The following TECPR2 variants were observed in gnomAD, a reference collection of about 807,000 sequenced individuals.
TECPR2 encodes tectonin beta-propeller repeat containing 2.
In TECPR2, 65 loss-of-function variants were observed where a neutral mutation model predicts 138.1. The observed-to-expected ratio is 0.47, with a 90% CI of 0.39 to 0.58. The LOEUF (loss-of-function observed/expected upper bound fraction) is 0.58, where lower values mean the gene tolerates loss of function less well. Among genes scored for constraint, TECPR2 ranks in the 20% least tolerant of loss-of-function variants. The pLI, the probability that TECPR2 is intolerant of heterozygous loss-of-function variation, is 0.00. For missense variants in TECPR2, 1,553 were observed against 1,824.5 expected (o/e 0.85, Z 2.71); for synonymous variants, 746 against 749.8 (o/e 0.99, Z 0.08).
chr14:102,493,741 C>T (rs1891208899), intron 17 of TECPR2, among the ~76,000 whole-genome samples: 1 of 152,206 alleles, frequency 6.6e-6, no homozygotes, highest in African/African-American at 2.4e-5. Context: ...CCCCAGCCTC[C>T]CTGCTGTGAC....
chr14:102,468,199 T>C (rs895672672), intron 17 of TECPR2, among the ~76,000 whole-genome samples: 1 of 151,316 alleles, frequency 6.6e-6, no homozygotes, highest in Non-Finnish European at 1.5e-5. Context: ...GTTTGTTTGT[T>C]TGTTTTGAGA....
chr14:102,431,947 G>T lies in TECPR2; in HGVS notation c.1236G>T (p.Ser412=), dbSNP rs756426693. Residue 412 remains serine, a synonymous_variant, in exon 8 of 20, where the codon TCG becomes TCT. Coordinates refer to ENST00000359520, the MANE Select transcript of TECPR2 (RefSeq NM_014844.5). ...GCGAGCCAAGGAGCAGGAGCAGCTC[G>T]CTCAACTCCACCGACAGCGGCTCCG... ...VASEPRSRSS[S]LNSTDSGSGL... 6.2e-7 allele frequency: 1 copy of T among 1,612,826 alleles called. No homozygotes were observed.
At chr14:102,489,703 CAAAAA>C (rs35017559) in intron 17 of TECPR2, among the ~76,000 whole-genome samples, 8 of 134,048 alleles carry the variant, frequency 6.0e-5, no homozygotes, top group African/African-American at 1.9e-4. Context: ...AAAACTGTGT[CAAAAA>C]AAAAAAAAAA....
intron 2 of TECPR2, among the ~76,000 whole-genome samples, chr14:102,406,690 C>CA (rs1236724112): frequency 2.6e-5 from 4 of 150,954 alleles, no homozygotes; most frequent in South Asian, 2.1e-4. Flanking sequence ...CTTGTCTCTA[C>CA]AAAAAAAAAT....
intron 16 of TECPR2, among the ~76,000 whole-genome samples, chr14:102,462,392 A>T (rs962821803): frequency 2.0e-5 from 3 of 152,228 alleles, no homozygotes; most frequent in African/African-American, 7.2e-5. Context: ...AAGATCAAGG[A>T]AGGAGAAAAT....
intron 2 of TECPR2, among the ~76,000 whole-genome samples, chr14:102,396,703 G>T (rs1888324390): frequency 6.6e-6 from 1 of 152,172 alleles, no homozygotes. Flanking sequence ...ATTTTGGTCA[G>T]TTTCAACTCT....
intron 17 of TECPR2, among the ~76,000 whole-genome samples, chr14:102,493,409 AG>A (rs934928550): frequency 3.3e-4 from 51 of 152,276 alleles, no homozygotes; most frequent in African/African-American, 1.2e-3. Flanking sequence ...CTCAGCTGGC[AG>A]GCCTCTCCCC....
intron 7 of TECPR2, among the ~76,000 whole-genome samples, chr14:102,431,436 A>T (rs557614818): frequency 7.0e-6 from 1 of 143,274 alleles, no homozygotes; most frequent in African/African-American, 2.6e-5. Flanking sequence ...TTTGCCTCCC[A>T]GGTTCACACC....
chr14:102,411,610 T>C (rs1047864800), intron 4 of TECPR2, among the ~76,000 whole-genome samples: 3 of 137,836 alleles, frequency 2.2e-5, no homozygotes, highest in Non-Finnish European at 3.0e-5. Context: ...CCAAATCCTA[T>C]AAAACGGCCC....
chr14:102,448,854 A>T (rs1174715260), intron 13 of TECPR2, among the ~76,000 whole-genome samples: 2 of 152,136 alleles, frequency 1.3e-5, no homozygotes, highest in Non-Finnish European at 2.9e-5. Context: ...GTGGCAGGGC[A>T]AGACTATGTC....
Position 102,376,782 on chromosome 14 carries a change from A to G in TECPR2, c.61A>G (p.Asn21Asp). Residue 21 changes from asparagine (N) to aspartate (D), a missense_variant, in exon 2 of 20, where the codon AAT becomes GAT. Coordinates refer to ENST00000359520, the MANE Select transcript of TECPR2 (RefSeq NM_014844.5). ...GTTCTGCCCGTTGTACTATCTCCTC[A>G]ATGCCATTCCGACAAAGATCCAGAA... ...REFCPLYYLL[N>D]AIPTKIQKGF... The G allele has an allele frequency of 6.2e-7, 1 of 1,614,140 alleles. No individual in the cohort carries two copies. Among genetic ancestry groups the G allele is most frequent in the Non-Finnish European group, 8.5e-7 (1 of 1,180,028 alleles).
intron 10 of TECPR2, among the ~76,000 whole-genome samples, chr14:102,438,812 GAC>G: frequency 6.6e-6 from 1 of 151,800 alleles, no homozygotes; most frequent in Non-Finnish European, 1.5e-5. Context: ...TGAGCTGGAA[GAC>G]CTCCCATATC....
At chr14:102,407,746 C>T (rs952961568) in intron 3 of TECPR2, among the ~76,000 whole-genome samples, 3 of 152,124 alleles carry the variant, frequency 2.0e-5, no homozygotes, top group African/African-American at 7.2e-5. Context: ...CCTGTAATCC[C>T]AGCACTTTGG....
intron 1 of TECPR2, among the ~76,000 whole-genome samples, chr14:102,371,291 C>T (rs6575911): frequency 0.04 from 6,074 of 152,262 alleles, 138 homozygotes; most frequent in Middle Eastern, 0.088. Context: ...GAAATGTTTG[C>T]TGTGTCTGCA....
chr14:102,498,864 A>G lies in TECPR2; in HGVS notation c.*607A>G, dbSNP rs545138123. On this transcript the variant is annotated 3_prime_UTR_variant, in exon 20 of 20. Coordinates refer to ENST00000359520, the MANE Select transcript of TECPR2 (RefSeq NM_014844.5). ...GAGAACCCACGCACATGCACACCAC[A>G]ACACACAACACACCTCACCTCACAC... The G allele has an allele frequency of 3.1e-6, 2 of 655,306 alleles. No individual in the cohort carries two copies. The highest frequency in any genetic ancestry group is 6.0e-5 in the East Asian group (2 of 33,570). 40.6% of individuals were successfully genotyped at this position (655,306 alleles called of 1,614,324 possible).
In TECPR2 at chr14:102,465,168, G is replaced by A; in HGVS notation, c.3668G>A (p.Cys1223Tyr). ...GCTGTAAAATTGACAAGCTTGGCAT[G>A]TGGAAATCAGCACATCTGGGCCTGT... ...LGAVKLTSLA[C>Y]GNQHIWACDS... The change falls in exon 17 of 20, where the codon TGT (cysteine) becomes TAT (tyrosine). Residue 1223 changes from cysteine (C) to tyrosine (Y), a missense_variant. Transcript: ENST00000359520. 6.2e-7 allele frequency: 1 copy of A among 1,614,218 alleles called. No individual in the cohort carries two copies. Among genetic ancestry groups the A allele is most frequent in the Non-Finnish European group, 8.5e-7 (1 of 1,180,034 alleles).
chr14:102,395,087 A>C (rs1888280486), intron 2 of TECPR2, among the ~76,000 whole-genome samples: 1 of 152,222 alleles, frequency 6.6e-6, no homozygotes, highest in Admixed American at 6.5e-5. Flanking sequence ...AACCTAGATC[A>C]CGATCTGACA....
chr14:102,497,990 C>A, intron 19 of TECPR2, 113 bp from the exon 20 acceptor site: 1 of 1,427,952 alleles, frequency 7.0e-7, no homozygotes, highest in Non-Finnish European at 9.4e-7. Flanking sequence ...TGTCCAGTGT[C>A]CCCCACCTAG....
chr14:102,392,883 A>AT (rs1462093806), intron 2 of TECPR2, among the ~76,000 whole-genome samples: 2 of 152,222 alleles, frequency 1.3e-5, no homozygotes, highest in African/African-American at 4.8e-5. Flanking sequence ...CTGATGCTGA[A>AT]TGGGGCAGGC....
Sources: gnomAD v4.1 joint callset for allele counts (sites outside exome capture counted in the v4.1 genomes callset) on GRCh38, gnomAD v4.1.1 for gene constraint, MANE v1.5 for transcripts, NCBI Gene and HGNC (gene_info 2026-07-23, HGNC 2026-07-21) for gene names.